HCN1: variants seen among roughly 807,000 people sequenced by gnomAD.
HCN1 encodes hyperpolarization activated cyclic nucleotide gated potassium channel 1.
A neutral mutation model predicts 78.9 loss-of-function variants in HCN1; 13 were observed. The ratio of observed to expected loss-of-function variants is 0.16; its 90% CI spans 0.11 to 0.26. HCN1 has a LOEUF of 0.26. HCN1 is among the 10% of genes least tolerant of loss of function. The probability of loss-of-function intolerance (pLI) is 1.00; values close to 1 mark genes in which losing one functional copy is unlikely to be tolerated. For synonymous variants in HCN1, 552 were observed against 455.5 expected (o/e 1.21, Z -2.70); for missense variants, 810 against 1,154.3 (o/e 0.70, Z 4.32).
intron 2 of HCN1, among the ~76,000 whole-genome samples, chr5:45,526,428 T>C (rs962983070): frequency 2.0e-5 from 3 of 152,094 alleles, no homozygotes; most frequent in Admixed American, 1.3e-4. Flanking sequence ...TCGGCCTTCA[T>C]GCACTTTTCA....
chr5:45,480,798 TAA>T (rs1297557061), intron 2 of HCN1, among the ~76,000 whole-genome samples: 2 of 152,172 alleles, frequency 1.3e-5, no homozygotes, highest in Non-Finnish European at 1.5e-5. Flanking sequence ...GGAAAACAAT[TAA>T]GAGAGATCAT....
intron 2 of HCN1, among the ~76,000 whole-genome samples, chr5:45,613,670 T>C (rs960317298): frequency 3.9e-5 from 6 of 152,064 alleles, no homozygotes; most frequent in African/African-American, 1.4e-4. Flanking sequence ...CACACGTATG[T>C]TTATTGTGGC....
intron 2 of HCN1, among the ~76,000 whole-genome samples, chr5:45,468,247 T>A (rs1004080460): frequency 5.3e-5 from 8 of 152,138 alleles, no homozygotes; most frequent in Non-Finnish European, 1.2e-4. Flanking sequence ...AATATATGTC[T>A]CATTACATGA....
intron 2 of HCN1, among the ~76,000 whole-genome samples, chr5:45,527,988 T>C (rs963324353): frequency 7.3e-5 from 11 of 151,700 alleles, no homozygotes; most frequent in African/African-American, 2.4e-4. Context: ...AAAATAAATA[T>C]TAAATTAAAA....
intron 2 of HCN1, among the ~76,000 whole-genome samples, chr5:45,595,112 G>A (rs1744460179): frequency 6.6e-6 from 1 of 152,112 alleles, no homozygotes; most frequent in African/African-American, 2.4e-5. Context: ...CCAAGTAATA[G>A]AGAACAATAG....
chr5:45,323,817 TG>T, intron 5 of HCN1, among the ~76,000 whole-genome samples: 1 of 152,094 alleles, frequency 6.6e-6, no homozygotes, highest in Admixed American at 6.6e-5. Flanking sequence ...ATGTGGTGTT[TG>T]GTTTTTTGTC....
At chr5:45,296,231 T>A (rs1180742304) in intron 6 of HCN1, among the ~76,000 whole-genome samples, 1 of 151,924 alleles carries the variant, frequency 6.6e-6, no homozygotes, top group East Asian at 1.9e-4. Context: ...TTATCAAGAG[T>A]TAGGGCTATA....
At chr5:45,329,335 C>G (rs1021964821) in intron 5 of HCN1, among the ~76,000 whole-genome samples, 2 of 151,352 alleles carry the variant, frequency 1.3e-5, no homozygotes, top group African/African-American at 4.8e-5. Flanking sequence ...TCCTAGGGAC[C>G]TCTTATAAAT....
At chr5:45,326,651 T>C (rs1199604112) in intron 5 of HCN1, among the ~76,000 whole-genome samples, 1 of 151,676 alleles carries the variant, frequency 6.6e-6, no homozygotes, top group Non-Finnish European at 1.5e-5. Flanking sequence ...AATAAAAAAT[T>C]ATTACTAAGT....
chr5:45,586,636 G>A (rs775288004), intron 2 of HCN1, among the ~76,000 whole-genome samples: 3 of 152,078 alleles, frequency 2.0e-5, no homozygotes, highest in Non-Finnish European at 4.4e-5. Flanking sequence ...GCTGTAGAGT[G>A]CAGCTGTTCC....
intron 4 of HCN1, among the ~76,000 whole-genome samples, chr5:45,393,511 T>A (rs908406681): frequency 1.3e-5 from 2 of 152,108 alleles, no homozygotes; most frequent in Non-Finnish European, 2.9e-5. Context: ...AAAAGAATGG[T>A]CATCATGGAG....
At chr5:45,630,243 A>G (rs1745247910) in intron 2 of HCN1, among the ~76,000 whole-genome samples, 1 of 152,182 alleles carries the variant, frequency 6.6e-6, no homozygotes, top group Non-Finnish European at 1.5e-5. Flanking sequence ...TTTCAGTCAT[A>G]TTTAAGCAGA....
chr5:45,570,050 T>A (rs1485052082), intron 2 of HCN1, among the ~76,000 whole-genome samples: 3 of 152,162 alleles, frequency 2.0e-5, no homozygotes, highest in Non-Finnish European at 2.9e-5. Context: ...TTATCTAAAA[T>A]TAATGTCATG....
Position 45,312,433 on chromosome 5 carries a change from G to A in HCN1, c.1378-8594C>T, listed in dbSNP as rs543368417. Among the ~76,000 whole-genome samples, 9 of 152,294 alleles carry A rather than the reference G, an allele frequency of 5.9e-5. No individual in the cohort carries two copies. The South Asian group carries it at 1.9e-3, about 32-fold the overall frequency. ...GAACGGCTCCAGTCTACAGCTCCCA[G>A]TGTGAGCGACGCAGAAGACGGATGA... On this transcript the variant is annotated intron_variant, in intron 5 of 7. Transcript: ENST00000303230.
chr5:45,347,700 G>T (rs1435187561), intron 5 of HCN1, among the ~76,000 whole-genome samples: 1 of 152,114 alleles, frequency 6.6e-6, no homozygotes, highest in Admixed American at 6.5e-5. Flanking sequence ...GCCAAGGCTC[G>T]AGAACTACGT....
At chr5:45,351,454 A>G (rs1379369411) in intron 5 of HCN1, among the ~76,000 whole-genome samples, 4 of 111,460 alleles carry the variant, frequency 3.6e-5, no homozygotes, top group Non-Finnish European at 6.6e-5. Flanking sequence ...ACCATTCAGG[A>G]CATAGGCGTG....
intron 6 of HCN1, 74 bp from the exon 7 acceptor site, chr5:45,267,327 A>G: frequency 1.5e-6 from 2 of 1,366,672 alleles, no homozygotes; most frequent in Non-Finnish European, 2.1e-6. Context: ...GCTTCCCACA[A>G]CTTAAAACAA....
intron 1 of HCN1, among the ~76,000 whole-genome samples, chr5:45,683,384 T>C (rs1739742356): frequency 6.6e-6 from 1 of 152,156 alleles, no homozygotes; most frequent in African/African-American, 2.4e-5. Context: ...GCCATCTTAC[T>C]GAACTTAGCA....
At chr5:45,280,128 A>G (rs2111866624) in intron 6 of HCN1, among the ~76,000 whole-genome samples, 1 of 152,286 alleles carries the variant, frequency 6.6e-6, no homozygotes, top group African/African-American at 2.4e-5. Context: ...AAAACAAAAA[A>G]GAATTTTGCT....
Sources: allele counts gnomAD v4.1 joint callset (sites outside exome capture counted in the v4.1 genomes callset), GRCh38; gene constraint gnomAD v4.1.1; transcripts MANE v1.5; gene names NCBI Gene and HGNC (gene_info 2026-07-23, HGNC 2026-07-21).